The following ETFDH variants were observed in gnomAD, a reference collection of about 807,000 sequenced individuals.
ETFDH encodes electron transfer flavoprotein dehydrogenase, also known as electron transfer flavoprotein-ubiquinone oxidoreductase, mitochondrial.
ETFDH carries 61 observed loss-of-function variants against 73.2 expected under a neutral mutation model. That is an observed-to-expected ratio of 0.83 (90% confidence interval 0.68 to 1.03). The LOEUF is 1.03. Among genes scored for constraint, ETFDH ranks in the 50% least tolerant of loss-of-function variants. ETFDH has a pLI of 0.00. For synonymous variants in ETFDH, 243 were observed against 253.3 expected, an observed-to-expected ratio of 0.96 and a Z score of 0.39; for missense variants, 685 against 745.0, an observed-to-expected ratio of 0.92 and a Z score of 0.94.
At chr4:158,677,344 T>C (rs1283923824) in intron 1 of ETFDH, among the ~76,000 whole-genome samples, 1 of 152,228 alleles carries the variant, frequency 6.6e-6, no homozygotes, top group Non-Finnish European at 1.5e-5. Flanking sequence ...TACATTGGCT[T>C]GGCCTGGAAA....
intron 1 of ETFDH, chr4:158,679,811 C>T (rs913635424): frequency 1.3e-5 from 2 of 151,990 alleles, no homozygotes; most frequent in Admixed American, 6.6e-5. Flanking sequence ...GTGGCTCACG[C>T]CTATGATCCC....
chr4:158,686,905 C>T (rs182773340), intron 5 of ETFDH, among the ~76,000 whole-genome samples: 88 of 149,338 alleles, frequency 5.9e-4, no homozygotes, highest in African/African-American at 2.2e-3. Context: ...AAAAGGCATA[C>T]AGGTTTATCA....
intron 1 of ETFDH, among the ~76,000 whole-genome samples, chr4:158,672,983 G>T (rs947590337): frequency 2.6e-5 from 4 of 152,180 alleles, no homozygotes; most frequent in African/African-American, 9.7e-5. Context: ...TCACCCAAGT[G>T]TATCTGGAGC....
Position 158,680,617 on chromosome 4 carries a change from A to T in ETFDH, c.175+10A>T, listed in dbSNP as rs1185448220. 1 of 1,605,316 alleles carries T rather than the reference A, an allele frequency of 6.2e-7. No homozygotes were observed. The highest frequency in any genetic ancestry group is 8.5e-7 in the Non-Finnish European group (1 of 1,172,232). ...GACAAGAGATGGGAAGGTAAGTAAT[A>T]ATTTGTGTACAATTCCTGAGACTTT... On this transcript the variant is annotated intron_variant, in intron 2 of 12. Coordinates refer to ENST00000511912, the MANE Select transcript of ETFDH (RefSeq NM_004453.4).
At position 158,672,374 on chromosome 4, in the gene ETFDH, C is replaced by T; in HGVS notation, c.-83C>T. On this transcript the variant is annotated 5_prime_UTR_variant, in exon 1 of 13. Transcript: ENST00000511912. ...CTTTCCGGCAGGTGATGGCGCCCCC[C>T]GCGGCCTAGAGGTCCAGCGCCCGCC... is the stretch of plus-strand genomic sequence containing the variant. The T allele has an allele frequency of 1.4e-6, 2 of 1,456,674 alleles. No individual in the cohort carries two copies. The highest frequency in any genetic ancestry group is 1.9e-6 in the Non-Finnish European group (2 of 1,037,238). 90.2% of individuals were successfully genotyped at this position (1,456,674 alleles called of 1,614,324 possible).
intron 3 of ETFDH, among the ~76,000 whole-genome samples, chr4:158,684,220 T>C (rs1466749139): frequency 6.6e-6 from 1 of 152,038 alleles, no homozygotes; most frequent in Non-Finnish European, 1.5e-5. Flanking sequence ...TAAAACCCCC[T>C]CTCTACTAAA....
chr4:158,706,501 T>C (rs1410275584), intron 11 of ETFDH, 128 bp from the exon 12 acceptor site: 1 of 1,082,368 alleles, frequency 9.2e-7, no homozygotes, highest in Non-Finnish European at 1.4e-6. Flanking sequence ...AAGAACAGTA[T>C]ATTATTACTT....
chr4:158,706,371 G>A lies in ETFDH; in HGVS notation c.1468G>A (p.Gly490Ser). ...GMEPWTLKHK[G>S]SDFERLKPAK... ...GGAGCCGTGGACTCTGAAACATAAA[G>A]GTAATTCAAACAAGAGTATGAGTGA... Residue 490 changes from glycine (G) to serine (S), a missense_variant and splice_region_variant, in exon 11 of 13, where the codon GGT becomes AGT. By Grantham distance (56) the Gly-to-Ser change is moderately conservative. This residue lies in a region of ETFDH where 201 missense variants were observed against 225.2 expected (regional missense o/e 0.89). Coordinates refer to ENST00000511912, the MANE Select transcript of ETFDH (RefSeq NM_004453.4). 6.2e-7 allele frequency: 1 copy of A among 1,609,578 alleles called. No homozygotes were observed. Among genetic ancestry groups the A allele is most frequent in the Non-Finnish European group, 8.5e-7 (1 of 1,176,160 alleles).
Position 158,672,328 on chromosome 4 carries a change from C to T in ETFDH, c.-129C>T, listed in dbSNP as rs752557142. Reference sequence around the variant, plus strand: ...AAGAGCGGTCGGCAGAGCGGGGAGGCGAACTGCAGCAGAGTTCTTGCTTTC... The same window carrying T: ...AAGAGCGGTCGGCAGAGCGGGGAGGTGAACTGCAGCAGAGTTCTTGCTTTC... On this transcript the variant is annotated 5_prime_UTR_variant, in exon 1 of 13. Transcript: ENST00000511912. 2.2e-6 allele frequency: 2 copies of T among 928,654 alleles called. No homozygotes were observed. The highest frequency in any genetic ancestry group is 4.8e-5 in the East Asian group (2 of 41,594). 57.5% of individuals were successfully genotyped at this position (928,654 alleles called of 1,614,324 possible). A position where few individuals can be genotyped will look rare whatever the true frequency, so the allele number is the denominator to read the frequency against.
intron 9 of ETFDH, among the ~76,000 whole-genome samples, chr4:158,699,378 T>A (rs1254793893): frequency 6.6e-6 from 1 of 152,144 alleles, no homozygotes; most frequent in Non-Finnish European, 1.5e-5. Context: ...GTAGTCTGCC[T>A]GGGCAACATG....
intron 6 of ETFDH, among the ~76,000 whole-genome samples, chr4:158,690,879 A>AAAATAAATAAATAAAT (rs577737808): frequency 2.0e-5 from 3 of 151,852 alleles, no homozygotes; most frequent in African/African-American, 7.3e-5. Context: ...ACCTGGTCTC[A>AAAATAAATAAATAAAT]AAATAAATAA....
chr4:158,689,426 A>G (rs1774096783), intron 5 of ETFDH, among the ~76,000 whole-genome samples: 1 of 151,514 alleles, frequency 6.6e-6, no homozygotes, highest in Admixed American at 6.6e-5. Flanking sequence ...GAACACTTAT[A>G]GTCACTTGTA....
intron 9 of ETFDH, among the ~76,000 whole-genome samples, chr4:158,700,211 C>T (rs978471246): frequency 6.6e-6 from 1 of 151,940 alleles, no homozygotes. Context: ...AAACTCAAAA[C>T]CATAGCTACA....
chr4:158,707,657 G>C (rs1774664503), intron 12 of ETFDH, among the ~76,000 whole-genome samples: 2 of 152,110 alleles, frequency 1.3e-5, no homozygotes, highest in South Asian at 4.1e-4. Context: ...TAAGTTATCA[G>C]ATTTACTGTC....
At chr4:158,705,089 G>GA (rs1774571800) in intron 10 of ETFDH, among the ~76,000 whole-genome samples, 2 of 152,172 alleles carry the variant, frequency 1.3e-5, no homozygotes, top group Admixed American at 1.3e-4. Flanking sequence ...GCCAGAACAG[G>GA]AAACAATGAC....
At chr4:158,685,601 A>G (rs1231536107) in intron 5 of ETFDH, among the ~76,000 whole-genome samples, 1 of 152,138 alleles carries the variant, frequency 6.6e-6, no homozygotes, top group Non-Finnish European at 1.5e-5. Flanking sequence ...TTTACTCTGG[A>G]ATTTTTTTTT....
intron 6 of ETFDH, 36 bp from the exon 7 acceptor site, chr4:158,695,461 T>C (rs1774283649): frequency 3.2e-6 from 5 of 1,585,490 alleles, no homozygotes; most frequent in Non-Finnish European, 4.3e-6. Context: ...TTTTAAATTG[T>C]CAAATGTTGC....
intron 6 of ETFDH, among the ~76,000 whole-genome samples, chr4:158,692,335 G>A (rs891501605): frequency 3.3e-5 from 5 of 149,472 alleles, no homozygotes; most frequent in Non-Finnish European, 7.4e-5. Context: ...AGGAGGCGGA[G>A]CTTGCAGTGA....
Position 158,684,838 on chromosome 4 carries a change from C to G in ETFDH, c.487+165C>G, listed in dbSNP as rs150227813. On this transcript the variant is annotated intron_variant, in intron 4 of 12. Coordinates refer to ENST00000511912, the MANE Select transcript of ETFDH (RefSeq NM_004453.4). ...AGCTGGTGGGAAAGCAGGACTAGAA[C>G]TCAGTTCTTTTGTCTTCCAGTCTAG... The G allele has an allele frequency of 6.1e-4, 388 of 637,412 alleles. 1 individual carries two copies. In the African/African-American group the frequency reaches 6.3e-3, roughly 10 times the overall value. The allele number at this position is 637,412 out of a possible 1,614,324, so 39.5% of individuals were successfully genotyped here.
Sources: gnomAD v4.1 joint callset for allele counts (sites outside exome capture counted in the v4.1 genomes callset) on GRCh38, gnomAD v4.1.1 for gene constraint, gnomAD v4.1.1 regional missense constraint, MANE v1.5 for transcripts, NCBI Gene and HGNC (gene_info 2026-07-23, HGNC 2026-07-21) for gene names.